Variants in JPH3 observed in about 807,000 individuals in gnomAD.
JPH3 encodes the protein junctophilin-3.
A neutral mutation model predicts 59.6 loss-of-function variants in JPH3; 11 were observed. The observed-to-expected ratio is 0.18, with a 90% confidence interval of 0.12 to 0.31. The LOEUF (loss-of-function observed/expected upper bound fraction) is 0.31. JPH3 is among the 10% of genes least tolerant of loss of function. The pLI is 1.00. For synonymous variants in JPH3, 673 were observed against 483.6 expected (o/e 1.39, Z -5.14); for missense variants, 1,202 against 1,105.7 (o/e 1.09, Z -1.24).
At position 87,681,150 on chromosome 16, in the gene JPH3, C is replaced by T. The variant is rs1162369531; in HGVS notation, c.1161-2992C>T. 6.0e-5 allele frequency among the ~76,000 whole-genome samples: 9 copies of T among 150,050 alleles called. 1 individual carries two copies. Among genetic ancestry groups the T allele is most frequent in the East Asian group, 2.0e-4 (1 of 5,068 alleles). On this transcript the variant is annotated intron_variant, in intron 2 of 4. Coordinates refer to ENST00000284262, the MANE Select transcript of JPH3 (RefSeq NM_020655.4). ...CAGGTGCGCGCGGTGATGACAGTTC[C>T]GGAAGGTCAGGTGCACGCGGTGATG...
At chr16:87,605,858 G>A (rs1012409329) in intron 1 of JPH3, among the ~76,000 whole-genome samples, 6 of 152,228 alleles carry the variant, frequency 3.9e-5, no homozygotes, top group Non-Finnish European at 7.3e-5. Flanking sequence ...CCTCTCAAGG[G>A]GTATGCGGTT....
At chr16:87,603,795 G>T (rs1328796512) in intron 1 of JPH3, among the ~76,000 whole-genome samples, 1 of 152,164 alleles carries the variant, frequency 6.6e-6, no homozygotes, top group Admixed American at 6.5e-5. Flanking sequence ...GCCTCCGTGC[G>T]TCGGACACAG....
At chr16:87,678,578 A>C (rs112829630) in intron 2 of JPH3, among the ~76,000 whole-genome samples, 3 of 152,120 alleles carry the variant, frequency 2.0e-5, no homozygotes, top group Admixed American at 2.0e-4. Context: ...GTGTCTGTGT[A>C]TACACACTCA....
At chr16:87,642,824 A>T (rs547889942) in intron 1 of JPH3, among the ~76,000 whole-genome samples, 1 of 152,344 alleles carries the variant, frequency 6.6e-6, no homozygotes, top group East Asian at 1.9e-4. Context: ...AACTTCCCTG[A>T]GTCACAGCTC....
rs2033873787 is a variant in JPH3, at chr16:87,696,691, G to C, written c.*31G>C. 1 of 1,571,094 alleles carries C rather than the reference G, an allele frequency of 6.4e-7. No individual in the cohort carries two copies. Among genetic ancestry groups the C allele is most frequent in the Non-Finnish European group, 8.8e-7 (1 of 1,142,668 alleles). On this transcript the variant is annotated 3_prime_UTR_variant, in exon 5 of 5. Transcript: ENST00000284262. The stretch of plus-strand genomic sequence containing the variant: ...TGTCGCGGTAGCAAAAATAGAGAAA[G>C]GGTAGAAAAAAGGGACATTAAAATT...
intron 1 of JPH3, among the ~76,000 whole-genome samples, chr16:87,620,184 C>T (rs1252340090): frequency 6.6e-6 from 1 of 152,044 alleles, no homozygotes; most frequent in Non-Finnish European, 1.5e-5. Context: ...ACTGGGATCC[C>T]AGCGCAGGCT....
chr16:87,686,398 TG>T (rs2033419166), intron 3 of JPH3, among the ~76,000 whole-genome samples: 1 of 131,070 alleles, frequency 7.6e-6, no homozygotes, highest in Admixed American at 7.2e-5. Context: ...GGCTCAGTCC[TG>T]GAGTCAGAGA....
intron 3 of JPH3, among the ~76,000 whole-genome samples, chr16:87,685,344 T>G (rs2033391556): frequency 6.6e-6 from 1 of 152,184 alleles, no homozygotes. Context: ...CCCTCCACTC[T>G]CCTGGCCCCT....
intron 2 of JPH3, among the ~76,000 whole-genome samples, chr16:87,657,777 G>C (rs1025745944): frequency 6.6e-6 from 1 of 152,068 alleles, no homozygotes; most frequent in African/African-American, 2.4e-5. Flanking sequence ...GAGTTGCCCC[G>C]AGGACTGTGC....
At chr16:87,631,407 G>A (rs1242685923) in intron 1 of JPH3, among the ~76,000 whole-genome samples, 3 of 152,182 alleles carry the variant, frequency 2.0e-5, no homozygotes, top group Non-Finnish European at 4.4e-5. Flanking sequence ...TGGGGCGGTG[G>A]GGGTGCAGTT....
intron 1 of JPH3, among the ~76,000 whole-genome samples, chr16:87,632,833 C>T (rs2031606906): frequency 6.6e-6 from 1 of 151,562 alleles, no homozygotes; most frequent in African/African-American, 2.4e-5. Flanking sequence ...GTGGAAGTTG[C>T]AGTGAGCTGA....
chr16:87,604,099 G>T, intron 1 of JPH3: 1 of 1,309,240 alleles, frequency 7.6e-7, no homozygotes, highest in Non-Finnish European at 9.9e-7. Flanking sequence ...GTGGTTGGAC[G>T]CGGACTAGCG....
At position 87,690,077 on chromosome 16, in the gene JPH3, G is replaced by A. The variant is rs751414231; in HGVS notation, c.1717G>A (p.Glu573Lys). The A allele has an allele frequency of 2.6e-6, 4 of 1,568,224 alleles. No individual in the cohort carries two copies. The South Asian group carries it at 3.5e-5, about 14-fold the overall frequency. Residue 573 changes from glutamate (E) to lysine (K), a missense_variant, in exon 4 of 5, where the codon GAG becomes AAG. Physicochemically the swap from Glu to Lys is moderately conservative, Grantham distance 56. Coordinates refer to ENST00000284262, the MANE Select transcript of JPH3 (RefSeq NM_020655.4). Reference sequence around the variant, plus strand: ...GCAGCCCGGGAACCCCAAGCCGCGGGAGCGGCGGACGGAGTCACCCCCCGT... The same window carrying A: ...GCAGCCCGGGAACCCCAAGCCGCGGAAGCGGCGGACGGAGTCACCCCCCGT... ...RKQPGNPKPR[E>K]RRTESPPVFT...
At chr16:87,651,224 T>C (rs2032316323) in intron 2 of JPH3, among the ~76,000 whole-genome samples, 1 of 152,190 alleles carries the variant, frequency 6.6e-6, no homozygotes, top group Non-Finnish European at 1.5e-5. Context: ...GATCTACTGC[T>C]CAGAAAAAGA....
chr16:87,695,317 G>A (rs978836030), intron 4 of JPH3: 6 of 455,972 alleles, frequency 1.3e-5, no homozygotes, highest in Non-Finnish European at 2.2e-5. Context: ...AGGAGTCCAT[G>A]GAAAACCAGT....
chr16:87,696,424 G>C, intron 4 of JPH3, 156 bp from the exon 5 acceptor site: 2 of 642,440 alleles, frequency 3.1e-6, no homozygotes, highest in Non-Finnish European at 5.5e-6. Flanking sequence ...TCAGGTTCTG[G>C]TGGGCCTTTG....
At chr16:87,651,431 G>T (rs1222070183) in intron 2 of JPH3, among the ~76,000 whole-genome samples, 1 of 152,146 alleles carries the variant, frequency 6.6e-6, no homozygotes, top group African/African-American at 2.4e-5. Flanking sequence ...GATGGATCTG[G>T]GCAAAGTCCA....
rs200796473 is a variant in JPH3, at chr16:87,689,962, G to C, written c.1602G>C (p.Glu534Asp). ...GDCARSSWGE[E>D]QAGGSRGVRS... ...GCGCCCGCAGCAGCTGGGGCGAGGA[G>C]CAGGCCGGGGGCTCCAGGGGTGTCC... is the stretch of plus-strand genomic sequence containing the variant. Residue 534 changes from glutamate to aspartate, a missense_variant, in exon 4 of 5, where the codon GAG becomes GAC. By Grantham distance (45) the Glu-to-Asp change is conservative (BLOSUM62 2). Coordinates refer to ENST00000284262, the MANE Select transcript of JPH3 (RefSeq NM_020655.4). 7,437 of 1,452,660 alleles carry C rather than the reference G, an allele frequency of 5.1e-3. 36 individuals are homozygous for C. Among genetic ancestry groups the C allele is most frequent in the Middle Eastern group, 8.4e-3 (43 of 5,136 alleles). The allele number at this position is 1,452,660 out of a possible 1,614,324, so 90.0% of individuals were successfully genotyped here. A position where few individuals can be genotyped will look rare whatever the true frequency, so the allele number is the denominator to read the frequency against.
chr16:87,695,765 G>C (rs1230658984), intron 4 of JPH3: 1 of 456,098 alleles, frequency 2.2e-6, no homozygotes, highest in Non-Finnish European at 4.4e-6. Context: ...GCAGAGTGCA[G>C]GACTGCAAGA....
Sources: allele counts gnomAD v4.1 joint callset (sites outside exome capture counted in the v4.1 genomes callset), GRCh38; gene constraint gnomAD v4.1.1; transcripts MANE v1.5; gene names NCBI Gene and HGNC (gene_info 2026-07-23, HGNC 2026-07-21).